Variants in KIRREL3 observed in about 807,000 individuals in gnomAD.
KIRREL3 encodes the protein kin of IRRE-like protein 3.
A neutral mutation model predicts 89.7 loss-of-function variants in KIRREL3; 36 were observed. That is an observed-to-expected ratio of 0.40 (90% CI 0.31 to 0.53). KIRREL3 has a LOEUF of 0.53. Among genes scored for constraint, KIRREL3 ranks in the 20% least tolerant of loss-of-function variants. The probability of loss-of-function intolerance (pLI) is 0.49; values close to 1 mark genes in which losing one functional copy is unlikely to be tolerated. For synonymous variants in KIRREL3, 445 were observed against 441.4 expected (o/e 1.01, Z -0.10); for missense variants, 864 against 1,056.6 (o/e 0.82, Z 2.53).
rs892547216 is a variant in KIRREL3, at chr11:126,508,802, A to G, written c.433+12513T>C. Among the ~76,000 whole-genome samples, 4 of 152,136 alleles carry G rather than the reference A, an allele frequency of 2.6e-5. No homozygotes were observed. Among genetic ancestry groups the G allele is most frequent in the African/African-American group, 9.7e-5 (4 of 41,422 alleles). ...CCTCGTCCGTAAAAGGGGACACGGG[A>G]CCTGCCTGGCAGAGCTGGTCAGAGG... On this transcript the variant is annotated intron_variant, in intron 4 of 16. Transcript: ENST00000525144. This position sits in a 1 kb window ranked among gnomAD's most constrained non-coding sequence, Gnocchi z 4.9.
At chr11:126,938,483 G>A (rs1948299342) in intron 1 of KIRREL3, among the ~76,000 whole-genome samples, 2 of 152,166 alleles carry the variant, frequency 1.3e-5, no homozygotes, top group African/African-American at 4.8e-5. Flanking sequence ...TAAGTGGTAG[G>A]GCCACCATTC....
At chr11:126,800,350 A>G (rs1950992229) in intron 1 of KIRREL3, among the ~76,000 whole-genome samples, 1 of 152,082 alleles carries the variant, frequency 6.6e-6, no homozygotes, top group Non-Finnish European at 1.5e-5. Context: ...TAGTCTGGGG[A>G]AAGATAGGTT....
intron 1 of KIRREL3, among the ~76,000 whole-genome samples, chr11:126,889,708 G>A (rs1945837142): frequency 6.6e-6 from 1 of 152,190 alleles, no homozygotes; most frequent in Non-Finnish European, 1.5e-5. Flanking sequence ...CAGCTTCTTT[G>A]CTTGTAGACA....
At chr11:126,425,833 C>G in intron 15 of KIRREL3, 109 bp from the exon 16 acceptor site, 1 of 792,502 alleles carries the variant, frequency 1.3e-6, no homozygotes, top group Non-Finnish European at 2.1e-6. Flanking sequence ...ATAACCCCCA[C>G]CACCCCTCAC....
rs1195799122 is a variant in KIRREL3 at position 126,812,760 on chromosome 11, C to G, written c.55+187695G>C. On this transcript the variant is annotated intron_variant, in intron 1 of 16. Coordinates refer to ENST00000525144, the MANE Select transcript of KIRREL3 (RefSeq NM_032531.4). The surrounding 1 kb of genome is among the most constrained non-coding windows in gnomAD (Gnocchi z 5.2). ...TCACTGAGACCAAGGCTCAGGCAAT[C>G]AAGCAATGCATTTCAATCAACTTCT... Among the ~76,000 whole-genome samples, 5 of 152,304 alleles carry G rather than the reference C, an allele frequency of 3.3e-5. No homozygotes were observed. In the East Asian group the frequency reaches 9.6e-4, roughly 29 times the overall value.
At chr11:126,727,599 C>A (rs560041440) in intron 1 of KIRREL3, among the ~76,000 whole-genome samples, 1 of 152,190 alleles carries the variant, frequency 6.6e-6, no homozygotes, top group Non-Finnish European at 1.5e-5. Flanking sequence ...CTCCCAGCTC[C>A]CTCGGGGGGG....
Position 126,531,238 on chromosome 11 carries a change from C to T in KIRREL3, c.134-4551G>A, listed in dbSNP as rs1403563762. Among the ~76,000 whole-genome samples the T allele has an allele frequency of 1.3e-5, 2 of 152,140 alleles. No individual in the cohort carries two copies. The highest frequency in any genetic ancestry group is 1.3e-4 in the Admixed American group (2 of 15,274). Reference sequence around the variant, plus strand: ...CCCACTGCTAGCACCCAAGTTCAAGCTCTCGTTGCCTCAACCTGGGCTCTT... The same window carrying T: ...CCCACTGCTAGCACCCAAGTTCAAGTTCTCGTTGCCTCAACCTGGGCTCTT... On this transcript the variant is annotated intron_variant, in intron 2 of 16. Transcript: ENST00000525144. This position sits in a 1 kb window ranked among gnomAD's most constrained non-coding sequence, Gnocchi z 4.7.
chr11:126,957,910 C>G (rs1249811056), intron 1 of KIRREL3, among the ~76,000 whole-genome samples: 1 of 152,136 alleles, frequency 6.6e-6, no homozygotes, highest in Non-Finnish European at 1.5e-5. Flanking sequence ...GTCAGGGTGC[C>G]ATCTATCTCA....
rs914905995 is a variant in KIRREL3, at chr11:126,763,294, C to T, written c.56-200382G>A. The stretch of plus-strand genomic sequence containing the variant: ...GATGTGACAATTCCATGACCAGCCT[C>T]ATGGCTGAGGTGCCACTTTCGATAC... On this transcript the variant is annotated intron_variant, in intron 1 of 16. Coordinates refer to ENST00000525144, the MANE Select transcript of KIRREL3 (RefSeq NM_032531.4). The surrounding 1 kb of genome is among the most constrained non-coding windows in gnomAD (Gnocchi z 4.7). 3.9e-5 allele frequency among the ~76,000 whole-genome samples: 6 copies of T among 152,330 alleles called. No homozygotes were observed. In the East Asian group the frequency reaches 5.8e-4, roughly 15 times the overall value.
rs1655676845 is a variant in KIRREL3 at position 126,990,674 on chromosome 11, T to G, written c.55+9781A>C. On this transcript the variant is annotated intron_variant, in intron 1 of 16. Coordinates refer to ENST00000525144, the MANE Select transcript of KIRREL3 (RefSeq NM_032531.4). The surrounding 1 kb of genome is among the most constrained non-coding windows in gnomAD (Gnocchi z 6.3). ...CTCTGCCTCCGCAGTTGCCCCTCAC[T>G]CAGGTGCAGCTTCCTATGTAAGAAA... Among the ~76,000 whole-genome samples the G allele has an allele frequency of 6.6e-6, 1 of 152,162 alleles. No individual in the cohort carries two copies. Among genetic ancestry groups the G allele is most frequent in the African/African-American group, 2.4e-5 (1 of 41,448 alleles).
chr11:126,611,554 A>T lies in KIRREL3; in HGVS notation c.56-48642T>A, dbSNP rs1943129293. ...TTGTTTTCCACTTGCTTAGTTTCCT[A>T]CTCTTCCCTTTATCCTGAGGTGTCG... On this transcript the variant is annotated intron_variant, in intron 1 of 16. Coordinates refer to ENST00000525144, the MANE Select transcript of KIRREL3 (RefSeq NM_032531.4). The surrounding 1 kb of genome is among the most constrained non-coding windows in gnomAD (Gnocchi z 4.7). Among the ~76,000 whole-genome samples the T allele has an allele frequency of 6.6e-6, 1 of 151,540 alleles. No individual in the cohort carries two copies. Among genetic ancestry groups the T allele is most frequent in the Non-Finnish European group, 1.5e-5 (1 of 67,904 alleles).
chr11:126,861,975 C>T (rs1242229000), intron 1 of KIRREL3, among the ~76,000 whole-genome samples: 2 of 152,174 alleles, frequency 1.3e-5, no homozygotes, highest in East Asian at 1.9e-4. Context: ...GAGCATGGCT[C>T]GTAGGCACCT....
intron 1 of KIRREL3, among the ~76,000 whole-genome samples, chr11:126,787,896 T>G (rs1950528531): frequency 6.6e-6 from 1 of 152,212 alleles, no homozygotes; most frequent in Non-Finnish European, 1.5e-5. Context: ...TTCTTGGCAT[T>G]CATTAAGTTT....
intron 1 of KIRREL3, among the ~76,000 whole-genome samples, chr11:126,894,570 A>AC (rs1946069240): frequency 7.1e-6 from 1 of 141,480 alleles, no homozygotes; most frequent in South Asian, 2.3e-4. Context: ...AAAAAAAAAA[A>AC]GGAAAAGAAA....
intron 1 of KIRREL3, among the ~76,000 whole-genome samples, chr11:126,951,956 T>G (rs1239350178): frequency 6.6e-6 from 1 of 152,222 alleles, no homozygotes; most frequent in Admixed American, 6.5e-5. Flanking sequence ...ATGGAAATTA[T>G]GCTTTAAAAA....
At chr11:126,716,938 G>A (rs893459155) in intron 1 of KIRREL3, among the ~76,000 whole-genome samples, 1 of 152,032 alleles carries the variant, frequency 6.6e-6, no homozygotes, top group African/African-American at 2.4e-5. Flanking sequence ...ATGAGCCTAG[G>A]GCAGGCATAG....
rs188202536 is a variant in KIRREL3 at position 126,913,013 on chromosome 11, T to C, written c.55+87442A>G. On this transcript the variant is annotated intron_variant, in intron 1 of 16. Transcript: ENST00000525144. ...TTGAAGAGACTCAGCTGAGCACACG[T>C]AGTTACCAGAAGTGGCTGTTAGGCA... is the stretch of plus-strand genomic sequence containing the variant. Among the ~76,000 whole-genome samples the C allele has an allele frequency of 2.1e-3, 322 of 152,274 alleles. 1 individual carries two copies. Among genetic ancestry groups the C allele is most frequent in the African/African-American group, 7.1e-3 (297 of 41,564 alleles).
chr11:126,466,732 C>T (rs1469900841), intron 5 of KIRREL3, among the ~76,000 whole-genome samples: 3 of 152,184 alleles, frequency 2.0e-5, no homozygotes, highest in Admixed American at 6.5e-5. Context: ...AGGTTCTAGT[C>T]GCAGCTCCAC....
rs779827262 is a variant in KIRREL3 at position 126,977,868 on chromosome 11, A to G, written c.55+22587T>C. Among the ~76,000 whole-genome samples the G allele has an allele frequency of 1.4e-4, 22 of 152,110 alleles. No individual in the cohort carries two copies. The highest frequency in any genetic ancestry group is 2.6e-4 in the Non-Finnish European group (18 of 68,022). On this transcript the variant is annotated intron_variant, in intron 1 of 16. Transcript: ENST00000525144. This position sits in a 1 kb window ranked among gnomAD's most constrained non-coding sequence, Gnocchi z 4.7. ...TGGAACTGGCTCCTGTGCCTGATGT[A>G]TGGTTGATATTTTGGATCAGGAAAG...
Sources: allele counts gnomAD v4.1 joint callset (sites outside exome capture counted in the v4.1 genomes callset), GRCh38; gene constraint gnomAD v4.1.1; non-coding constraint Gnocchi (gnomAD v3.1); transcripts MANE v1.5; gene names NCBI Gene and HGNC (gene_info 2026-07-23, HGNC 2026-07-21).